TULP2: variants seen among roughly 807,000 people sequenced by gnomAD.
TULP2 encodes the protein tubby-related protein 2.
In TULP2, 64 loss-of-function variants were observed where a neutral mutation model predicts 60.3. The observed-to-expected ratio is 1.06, with a 90% CI of 0.87 to 1.31. TULP2 has a LOEUF of 1.31. Among genes scored for constraint, TULP2 ranks in the 50% most tolerant of loss-of-function variants. The pLI is 0.00. For synonymous variants in TULP2, 267 were observed against 265.4 expected, an observed-to-expected ratio of 1.01 and a Z score of -0.06; for missense variants, 652 against 667.0, an observed-to-expected ratio of 0.98 and a Z score of 0.25.
intron 7 of TULP2, 69 bp from the exon 8 acceptor site, chr19:48,888,330 C>T (rs2037202838): frequency 9.5e-6 from 14 of 1,477,806 alleles, no homozygotes; most frequent in Non-Finnish European, 1.3e-5. Context: ...ACTGATTGAC[C>T]ATCCCAGCCC....
intron 8 of TULP2, among the ~76,000 whole-genome samples, chr19:48,887,440 T>G (rs1467182514): frequency 6.8e-6 from 1 of 146,540 alleles, no homozygotes; most frequent in East Asian, 2.1e-4. Flanking sequence ...TCCTCTCACC[T>G]CAGCCTCCCG....
intron 11 of TULP2, among the ~76,000 whole-genome samples, chr19:48,882,447 T>A (rs148037850): frequency 6.6e-6 from 1 of 152,266 alleles, no homozygotes; most frequent in East Asian, 1.9e-4. Flanking sequence ...AGTAAAGAAA[T>A]AGCACTTGAG....
chr19:48,897,947 C>CTTTA lies in TULP2; in HGVS notation c.-1-79_-1-78insTAAA, dbSNP rs199995175. On this transcript the variant is annotated intron_variant, in intron 1 of 12. Coordinates refer to ENST00000221399, the MANE Select transcript of TULP2 (RefSeq NM_003323.3). The surrounding 1 kb of genome is among the most constrained non-coding windows in gnomAD (Gnocchi z 4.0). ...CTGCCCACCAGCACCTAATCTTTAG[C>CTTTA]CTTATTTATTTATTTATTTATTTAT... is the stretch of plus-strand genomic sequence containing the variant. 72,921 of 795,950 alleles carry CTTTA rather than the reference C, an allele frequency of 0.092. 3,587 individuals carry two copies. Among genetic ancestry groups the CTTTA allele is most frequent in the East Asian group, 0.15 (4,527 of 30,934 alleles). The allele number at this position is 795,950 out of a possible 1,614,324, so 49.3% of individuals were successfully genotyped here.
intron 6 of TULP2, among the ~76,000 whole-genome samples, chr19:48,891,626 C>T (rs1261770103): frequency 1.3e-5 from 2 of 152,210 alleles, no homozygotes; most frequent in South Asian, 2.1e-4. Context: ...TGCCCCTCCA[C>T]ACCCGTGGGT....
Position 48,897,735 on chromosome 19 carries a change from G to C in TULP2, c.32+102C>G, listed in dbSNP as rs1015679198. 1.5e-5 allele frequency: 19 copies of C among 1,278,716 alleles called. No individual in the cohort carries two copies. Among genetic ancestry groups the C allele is most frequent in the Non-Finnish European group, 2.2e-5 (19 of 877,228 alleles). 79.2% of individuals were successfully genotyped at this position (1,278,716 alleles called of 1,614,324 possible). Reference sequence around the variant, plus strand: ...GTCCCCAGCCCCTTCCTGCAAGGCCGATGGTGCTGAACCTGCAAACATGGT... The same window carrying C: ...GTCCCCAGCCCCTTCCTGCAAGGCCCATGGTGCTGAACCTGCAAACATGGT... On this transcript the variant is annotated intron_variant, in intron 2 of 12. Transcript: ENST00000221399. The surrounding 1 kb of genome is among the most constrained non-coding windows in gnomAD (Gnocchi z 4.0).
At chr19:48,896,941 G>A (rs2037288208) in intron 3 of TULP2, among the ~76,000 whole-genome samples, 1 of 150,984 alleles carries the variant, frequency 6.6e-6, no homozygotes, top group African/African-American at 2.4e-5. Flanking sequence ...CCAGGCTGGA[G>A]TGCAGTACCA....
chr19:48,888,331 A>C (rs1342708809), intron 7 of TULP2, 70 bp from the exon 8 acceptor site: 2 of 1,476,648 alleles, frequency 1.4e-6, no homozygotes, highest in African/African-American at 1.4e-5. Context: ...CTGATTGACC[A>C]TCCCAGCCCT....
At chr19:48,888,708 G>A (rs1482001592) in intron 7 of TULP2, among the ~76,000 whole-genome samples, 1 of 152,074 alleles carries the variant, frequency 6.6e-6, no homozygotes, top group Non-Finnish European at 1.5e-5. Context: ...TGCAACCTCT[G>A]CCTCCCAGGT....
At chr19:48,898,020 T>C in intron 1 of TULP2, 151 bp from the exon 2 acceptor site, 1 of 546,386 alleles carries the variant, frequency 1.8e-6, no homozygotes. Flanking sequence ...TCGCCCAGGC[T>C]GCAGTGCAGT....
Position 48,895,022 on chromosome 19 carries a change from C to G in TULP2, c.490G>C (p.Gly164Arg), listed in dbSNP as rs373254271. Reference sequence around the variant, plus strand: ...CCAGGTCGTTGGTGGGCTTGCCAACCCTTGCGTCGGATTCTCGGAGACTGT... The same window carrying G: ...CCAGGTCGTTGGTGGGCTTGCCAACGCTTGCGTCGGATTCTCGGAGACTGT... The part of the protein sequence containing the change: ...FKQSPRIRRK[G>R]WQAHQRPGTR... Residue 164 changes from glycine to arginine, a missense_variant, in exon 6 of 13, where the codon GGT (glycine) becomes CGT (arginine). Transcript: ENST00000221399. 4.3e-6 allele frequency: 7 copies of G among 1,613,556 alleles called. No individual in the cohort carries two copies. In the East Asian group the frequency reaches 1.1e-4, roughly 26 times the overall value.
At chr19:48,885,814 G>A (rs1316860094) in intron 8 of TULP2, among the ~76,000 whole-genome samples, 1 of 152,080 alleles carries the variant, frequency 6.6e-6, no homozygotes, top group East Asian at 1.9e-4. Context: ...GAACCCAGGG[G>A]GCAGAGGTTG....
chr19:48,883,751 C>A lies in TULP2; in HGVS notation c.1275+3G>T. On this transcript the variant is annotated splice_donor_region_variant and intron_variant, in intron 11 of 12. Coordinates refer to ENST00000221399, the MANE Select transcript of TULP2 (RefSeq NM_003323.3). Reference sequence around the variant, plus strand: ...CCAGAGATTCCTGATGTCAGGGACTCACATTTAGTGGCTGGACATTGATTC... The same window carrying A: ...CCAGAGATTCCTGATGTCAGGGACTAACATTTAGTGGCTGGACATTGATTC... The A allele has an allele frequency of 6.2e-7, 1 of 1,614,008 alleles. No individual in the cohort carries two copies. Among genetic ancestry groups the A allele is most frequent in the East Asian group, 2.2e-5 (1 of 44,886 alleles).
rs142990965 is a variant in TULP2, at chr19:48,896,890, CT to C, written c.85-335del. On this transcript the variant is annotated intron_variant, in intron 3 of 12. Coordinates refer to ENST00000221399, the MANE Select transcript of TULP2 (RefSeq NM_003323.3). ...ATTTTCTTTTCTTTTTCCTTTCTTA[CT>C]TTTTTTTTTTCTTTTTGAGACAGAG... 5.3e-3 allele frequency among the ~76,000 whole-genome samples: 786 copies of C among 147,674 alleles called. 10 individuals carry two copies. Among genetic ancestry groups the C allele is most frequent in the African/African-American group, 0.018 (724 of 40,524 alleles).
chr19:48,887,326 T>TTTTTTTTTTTTTTTTTTTTTTTTTTTTTG lies in TULP2; in HGVS notation c.948+623_948+624insCAAAAAAAAAAAAAAAAAAAAAAAAAAAA. Among the ~76,000 whole-genome samples the TTTTTTTTTTTTTTTTTTTTTTTTTTTTTG allele has an allele frequency of 1.8e-5, 2 of 110,304 alleles. 1 individual carries two copies. The highest frequency in any genetic ancestry group is 4.0e-5 in the Non-Finnish European group (2 of 50,206). 72.4% of individuals were successfully genotyped at this position (110,304 alleles called of 152,430 possible). A position where few individuals can be genotyped will look rare whatever the true frequency, so the allele number is the denominator to read the frequency against. On this transcript the variant is annotated intron_variant, in intron 8 of 12. Transcript: ENST00000221399. The stretch of plus-strand genomic sequence containing the variant: ...GCGCCCAGCCCTTTTTTTTTTTTTT[T>TTTTTTTTTTTTTTTTTTTTTTTTTTTTTG]TTTTTTTTTTTTTTTTTATGCAGAG...
rs774169991 is a variant in TULP2, at chr19:48,885,506, TGAG to T, written c.1000_1002del (p.Leu334del). 3 of 1,613,672 alleles carry T rather than the reference TGAG, an allele frequency of 1.9e-6. No individual in the cohort carries two copies. The Admixed American group carries it at 5.0e-5, about 27-fold the overall frequency. ...GATAGGTGTGTAGGATCCAGGGAGA[TGAG>T]GTAATTAGAAGTTTTGCTCCTTCTT... On this transcript the variant is annotated inframe_deletion, in exon 9 of 13. Transcript: ENST00000221399.
At chr19:48,886,133 C>T (rs1179858626) in intron 8 of TULP2, among the ~76,000 whole-genome samples, 1 of 151,740 alleles carries the variant, frequency 6.6e-6, no homozygotes, top group African/African-American at 2.4e-5. Context: ...GGTGAAACCC[C>T]GTCTCTACTA....
Position 48,882,041 on chromosome 19 carries a change from G to A in TULP2, c.1438C>T (p.Pro480Ser). 1.2e-6 allele frequency: 2 copies of A among 1,614,186 alleles called. No homozygotes were observed. Among genetic ancestry groups the A allele is most frequent in the Non-Finnish European group, 1.7e-6 (2 of 1,180,038 alleles). Reference protein sequence around the residue: ...ASVKNFQIVDPKHQEHLVLQF... With the variant: ...ASVKNFQIVDSKHQEHLVLQF... ...GTTTCCAGGAGCTCACGGTGTTTGG[G>A]ATCCACGATTTGGAAGTTCTTCACC... The change falls in exon 12 of 13, where the codon CCC (proline) becomes TCC (serine). Residue 480 changes from proline (P) to serine (S), a missense_variant. By Grantham distance (74) the Pro-to-Ser change is moderately conservative (BLOSUM62 -1). Coordinates refer to ENST00000221399, the MANE Select transcript of TULP2 (RefSeq NM_003323.3).
rs774536222 is a variant in TULP2 at position 48,889,615 on chromosome 19, A to G, written c.531T>C (p.Gly177=). 1.3e-5 allele frequency: 21 copies of G among 1,580,818 alleles called. No homozygotes were observed. In the Admixed American group the frequency reaches 3.5e-4, roughly 27 times the overall value. The change falls in exon 7 of 13, where the codon GGT becomes GGC. Residue 177 remains glycine, a synonymous_variant. Coordinates refer to ENST00000221399, the MANE Select transcript of TULP2 (RefSeq NM_003323.3). ...CTCCCATATCCTGGGAGTCACTCTC[A>G]CCCTCTGCACGGGTCCCTAATGTGG... ...AHQRPGTRAE[G]ESDSQDMGDA... is the part of the protein sequence containing the mutation.
In TULP2 at chr19:48,883,854, T is replaced by TG; in HGVS notation, c.1177-3dup. On this transcript the variant is annotated splice_region_variant and splice_polypyrimidine_tract_variant and intron_variant, in intron 10 of 12. Coordinates refer to ENST00000221399, the MANE Select transcript of TULP2 (RefSeq NM_003323.3). ...CAGGTATCCTAAGACGTTGGGCTCC[T>TG]GGGGGTATTACATTCCAGTTGGCCT... 6.2e-7 allele frequency: 1 copy of TG among 1,614,152 alleles called. No homozygotes were observed. The highest frequency in any genetic ancestry group is 8.5e-7 in the Non-Finnish European group (1 of 1,180,028).
Sources: gnomAD v4.1 joint callset for allele counts (sites outside exome capture counted in the v4.1 genomes callset) on GRCh38, gnomAD v4.1.1 for gene constraint, Gnocchi (gnomAD v3.1) non-coding constraint, MANE v1.5 for transcripts, NCBI Gene and HGNC (gene_info 2026-07-23, HGNC 2026-07-21) for gene names.